The following SIPA1L3 variants were observed in gnomAD, a reference collection of about 807,000 sequenced individuals.
SIPA1L3 encodes signal-induced proliferation-associated 1-like protein 3.
SIPA1L3 carries 59 observed loss-of-function variants against 150.1 expected under a neutral mutation model. That is an observed-to-expected ratio of 0.39 (90% CI 0.32 to 0.49). SIPA1L3 has a LOEUF of 0.49. Among genes scored for constraint, SIPA1L3 ranks in the 20% least tolerant of loss-of-function variants. The pLI is 0.86. For missense variants in SIPA1L3, 2,211 were observed against 2,489.5 expected, an observed-to-expected ratio of 0.89 and a Z score of 2.38; for synonymous variants, 1,070 against 1,077.6, an observed-to-expected ratio of 0.99 and a Z score of 0.14.
At chr19:38,198,859 G>C (rs1600206691) in intron 19 of SIPA1L3, among the ~76,000 whole-genome samples, 2 of 152,308 alleles carry the variant, frequency 1.3e-5, no homozygotes, top group Admixed American at 6.5e-5. Flanking sequence ...AGAGTCCAAG[G>C]CAGGAGGATC....
At chr19:37,924,757 A>C (rs189221715) in intron 1 of SIPA1L3, among the ~76,000 whole-genome samples, 8 of 152,016 alleles carry the variant, frequency 5.3e-5, no homozygotes, top group Non-Finnish European at 8.8e-5. Flanking sequence ...AGTGTTATGT[A>C]CTGTACATGG....
intron 1 of SIPA1L3, among the ~76,000 whole-genome samples, chr19:37,953,914 T>A (rs1164062994): frequency 6.6e-6 from 1 of 152,178 alleles, no homozygotes; most frequent in East Asian, 1.9e-4. Context: ...TTTGCTTGCA[T>A]CCTCCCCAAA....
chr19:38,140,929 TTG>T (rs772195856), intron 10 of SIPA1L3, among the ~76,000 whole-genome samples: 3 of 151,754 alleles, frequency 2.0e-5, no homozygotes, highest in Non-Finnish European at 4.4e-5. Context: ...GTAGTGGCGC[TTG>T]CCTGTAGTCC....
chr19:38,024,891 T>G (rs1425532395), intron 1 of SIPA1L3, among the ~76,000 whole-genome samples: 9 of 152,094 alleles, frequency 5.9e-5, no homozygotes, highest in Admixed American at 5.9e-4. Flanking sequence ...AAAGGGAAGT[T>G]AATGGTTCAG....
intron 1 of SIPA1L3, among the ~76,000 whole-genome samples, chr19:37,947,974 C>T (rs2046727682): frequency 6.6e-6 from 1 of 152,296 alleles, no homozygotes; most frequent in South Asian, 2.1e-4. Context: ...AGGCTGCTGG[C>T]AGGCGTGGAC....
chr19:38,102,029 T>TTTTTC (rs546684896), intron 6 of SIPA1L3, among the ~76,000 whole-genome samples: 12 of 151,844 alleles, frequency 7.9e-5, no homozygotes, highest in South Asian at 2.1e-4. Flanking sequence ...CATAACAATT[T>TTTTTC]TTTTCTTTTC....
intron 4 of SIPA1L3, 21 bp downstream of exon 4, chr19:38,088,872 T>C: frequency 6.2e-7 from 1 of 1,611,226 alleles, no homozygotes; most frequent in African/African-American, 1.3e-5. Context: ...TCACTCTCGT[T>C]CTTATTAAAG....
chr19:37,941,069 T>C (rs959664838), intron 1 of SIPA1L3, among the ~76,000 whole-genome samples: 1 of 119,884 alleles, frequency 8.3e-6, no homozygotes, highest in Non-Finnish European at 1.7e-5. Flanking sequence ...AGGTTTGAGA[T>C]GTACACACAC....
chr19:38,105,086 A>G (rs1399655255), intron 6 of SIPA1L3, among the ~76,000 whole-genome samples: 3 of 151,706 alleles, frequency 2.0e-5, no homozygotes, highest in Non-Finnish European at 4.4e-5. Context: ...GGCCAGGCAC[A>G]GTGGCTCACG....
chr19:38,046,590 G>C lies in SIPA1L3; in HGVS notation c.-311+17434G>C, dbSNP rs1244327897. Among the ~76,000 whole-genome samples, 1 of 152,160 alleles carries C rather than the reference G, an allele frequency of 6.6e-6. No individual in the cohort carries two copies. Among genetic ancestry groups the C allele is most frequent in the African/African-American group, 2.4e-5 (1 of 41,442 alleles). On this transcript the variant is annotated intron_variant, in intron 2 of 21. Transcript: ENST00000222345. This position sits in a 1 kb window ranked among gnomAD's most constrained non-coding sequence, Gnocchi z 5.6. ...ACAGGAAATGACTCCTTCATAGGCT[G>C]AGAGTTTTGGGAGGCCCTGTGCCAC...
At chr19:37,917,577 C>G (rs1174528452) in intron 1 of SIPA1L3, among the ~76,000 whole-genome samples, 1 of 152,114 alleles carries the variant, frequency 6.6e-6, no homozygotes, top group Non-Finnish European at 1.5e-5. Flanking sequence ...TGGGAAGTGG[C>G]AGAGGCAGCA....
intron 1 of SIPA1L3, among the ~76,000 whole-genome samples, chr19:37,941,394 T>C (rs1375894647): frequency 6.6e-6 from 1 of 152,128 alleles, no homozygotes; most frequent in African/African-American, 2.4e-5. Flanking sequence ...TTTGAACTTT[T>C]GTTTGCCTTA....
At chr19:38,196,816 G>A (rs755310142) in intron 18 of SIPA1L3, among the ~76,000 whole-genome samples, 9 of 152,134 alleles carry the variant, frequency 5.9e-5, no homozygotes, top group Non-Finnish European at 8.8e-5. Flanking sequence ...CCAAGGACTC[G>A]TTCATTCAGC....
At chr19:37,993,136 G>A (rs941462149) in intron 1 of SIPA1L3, among the ~76,000 whole-genome samples, 17 of 152,156 alleles carry the variant, frequency 1.1e-4, no homozygotes, top group Non-Finnish European at 2.2e-4. Context: ...AACCCTGGCT[G>A]TGTCAGGTCT....
chr19:37,959,135 A>G (rs751307042), intron 1 of SIPA1L3, among the ~76,000 whole-genome samples: 2 of 152,240 alleles, frequency 1.3e-5, no homozygotes, highest in Non-Finnish European at 2.9e-5. Flanking sequence ...TCAAAAAAAT[A>G]TATACATAGA....
intron 19 of SIPA1L3, among the ~76,000 whole-genome samples, chr19:38,201,437 G>C (rs185508478): frequency 2.0e-4 from 30 of 152,342 alleles, no homozygotes; most frequent in Non-Finnish European, 4.0e-4. Flanking sequence ...CTCCGAAGGA[G>C]AGCGAATTGT....
chr19:38,141,399 T>A lies in SIPA1L3; in HGVS notation c.3359T>A (p.Val1120Asp). 1 of 1,612,214 alleles carries A rather than the reference T, an allele frequency of 6.2e-7. No homozygotes were observed. The highest frequency in any genetic ancestry group is 1.7e-4 in the Middle Eastern group (1 of 6,056). ...CGGCCCCTGAAGCAGACCCCCATAG[T>A]CCCCTTCCGGGAGTCCCAGCCACTG... ...LSRPLKQTPI[V>D]PFRESQPLHS... is the part of the protein sequence containing the mutation. Residue 1120 changes from valine (V) to aspartate (D), a missense_variant, in exon 11 of 22, where the codon GTC (valine) becomes GAC (aspartate). Transcript: ENST00000222345.
chr19:38,182,747 G>A lies in SIPA1L3; in HGVS notation c.4430+7G>A. 3 of 1,605,484 alleles carry A rather than the reference G, an allele frequency of 1.9e-6. No homozygotes were observed. Among genetic ancestry groups the A allele is most frequent in the Non-Finnish European group, 2.6e-6 (3 of 1,175,536 alleles). On this transcript the variant is annotated splice_region_variant and intron_variant, in intron 16 of 21. Transcript: ENST00000222345. ...CCTTCAGTGACCCAAAGAAGTAAGTGCCTGGACGTCCAGCGAGGCGCCCGC... is the reference window on the plus strand; with the variant it reads ...CCTTCAGTGACCCAAAGAAGTAAGTACCTGGACGTCCAGCGAGGCGCCCGC...
rs199660507 is a variant in SIPA1L3, at chr19:38,146,671, C to T, written c.3533+3961C>T. Among the ~76,000 whole-genome samples, 10 of 152,332 alleles carry T rather than the reference C, an allele frequency of 6.6e-5. No homozygotes were observed. The East Asian group carries it at 1.5e-3, about 23-fold the overall frequency. The stretch of plus-strand genomic sequence containing the variant: ...TTTCCAGAGTGTCTGTATCATTTTA[C>T]ATTCCCACCAGCAGAGCGTGAGTGA... On this transcript the variant is annotated intron_variant, in intron 12 of 21. Coordinates refer to ENST00000222345, the MANE Select transcript of SIPA1L3 (RefSeq NM_015073.3).
Sources: allele counts gnomAD v4.1 joint callset (sites outside exome capture counted in the v4.1 genomes callset), GRCh38; gene constraint gnomAD v4.1.1; non-coding constraint Gnocchi (gnomAD v3.1); transcripts MANE v1.5; gene names NCBI Gene and HGNC (gene_info 2026-07-23, HGNC 2026-07-21).